The following CCSER2 variants were observed in gnomAD, a reference collection of about 807,000 sequenced individuals.
The protein encoded by CCSER2 is serine-rich coiled-coil domain-containing protein 2.
In CCSER2, 46 loss-of-function variants were observed where a neutral mutation model predicts 92.3. The ratio of observed to expected loss-of-function variants is 0.50; its 90% CI spans 0.39 to 0.64. The LOEUF (loss-of-function observed/expected upper bound fraction) is 0.64. CCSER2 is among the 30% of genes least tolerant of loss of function. The pLI, the probability that CCSER2 is intolerant of heterozygous loss-of-function variation, is 0.00. For synonymous variants in CCSER2, 433 were observed against 431.4 expected, an observed-to-expected ratio of 1.00 and a Z score of -0.04; for missense variants, 1,244 against 1,238.9, an observed-to-expected ratio of 1.00 and a Z score of -0.06.
At chr10:84,391,763 G>A (rs766535203) in intron 3 of CCSER2, 10 of 1,544,332 alleles carry the variant, frequency 6.5e-6, no homozygotes, top group Non-Finnish European at 8.9e-6. Flanking sequence ...TGAAGACCCT[G>A]GTGCACCTTT....
At chr10:84,429,884 A>T (rs986627344) in intron 5 of CCSER2, among the ~76,000 whole-genome samples, 6 of 148,598 alleles carry the variant, frequency 4.0e-5, no homozygotes, top group African/African-American at 1.5e-4. Flanking sequence ...AAAAAAAAAA[A>T]TACAAATAAT....
intron 1 of CCSER2, among the ~76,000 whole-genome samples, chr10:84,332,117 G>C: frequency 6.6e-6 from 1 of 152,012 alleles, no homozygotes; most frequent in East Asian, 1.9e-4. Context: ...AGTAGAGTTT[G>C]GTTGACCATT....
chr10:84,393,553 T>G (rs745326982), intron 3 of CCSER2, among the ~76,000 whole-genome samples: 5 of 152,136 alleles, frequency 3.3e-5, no homozygotes, highest in Non-Finnish European at 5.9e-5. Context: ...TTTTGGTGCA[T>G]GTTGGTGGCC....
intron 7 of CCSER2, 131 bp downstream of exon 7, chr10:84,464,147 C>T: frequency 1.9e-6 from 1 of 528,452 alleles, no homozygotes; most frequent in Non-Finnish European, 3.3e-6. Flanking sequence ...ACTTTTGCTA[C>T]TTTGTTAAGT....
At chr10:84,429,967 CT>C (rs1843674411) in intron 5 of CCSER2, among the ~76,000 whole-genome samples, 1 of 151,628 alleles carries the variant, frequency 6.6e-6, no homozygotes, top group Non-Finnish European at 1.5e-5. Flanking sequence ...TGTTTACTGA[CT>C]TTTCTAGACA....
chr10:84,357,626 GT>G (rs1463377087), intron 1 of CCSER2, among the ~76,000 whole-genome samples: 1 of 151,732 alleles, frequency 6.6e-6, no homozygotes, highest in Admixed American at 6.6e-5. Context: ...ATTTTTTTGT[GT>G]TTTTAGTAGA....
At chr10:84,419,160 G>A (rs1403764955) in intron 4 of CCSER2, among the ~76,000 whole-genome samples, 1 of 152,132 alleles carries the variant, frequency 6.6e-6, no homozygotes, top group East Asian at 1.9e-4. Flanking sequence ...GTTAGTGAGG[G>A]CTGTGATATT....
chr10:84,401,014 T>C lies in CCSER2; in HGVS notation c.1615-16757T>C, dbSNP rs142614002. 9.3e-3 allele frequency among the ~76,000 whole-genome samples: 1,410 copies of C among 152,204 alleles called. 9 individuals are homozygous for C. The highest frequency in any genetic ancestry group is 0.014 in the Middle Eastern group (4 of 294). ...AGGCAGGCAGATCGCTTGAACTGAA[T>C]GAGAATGAAAATATATTTTATCAAA... is the stretch of plus-strand genomic sequence containing the variant. On this transcript the variant is annotated intron_variant, in intron 3 of 9. Transcript: ENST00000372088.
At chr10:84,491,999 G>A (rs1346101655) in intron 9 of CCSER2, among the ~76,000 whole-genome samples, 1 of 152,096 alleles carries the variant, frequency 6.6e-6, no homozygotes, top group African/African-American at 2.4e-5. Flanking sequence ...TGATTTCTGG[G>A]CCATGTGCGG....
intron 3 of CCSER2, chr10:84,392,115 C>A: frequency 1.4e-6 from 1 of 696,470 alleles, no homozygotes; most frequent in Non-Finnish European, 2.5e-6. Flanking sequence ...GGAGCCTCTG[C>A]ACCCAGGGAA....
At position 84,516,969 on chromosome 10, in the gene CCSER2, T is replaced by A. The variant is rs1426627899; in HGVS notation, c.*2702T>A. On this transcript the variant is annotated 3_prime_UTR_variant, in exon 10 of 10. Transcript: ENST00000372088. ...ATGCTTGTCTGCTTCTTAGTAAATG[T>A]TAAGTCTGAAATGGAAGTGAGGATG... is the stretch of plus-strand genomic sequence containing the variant. 1 of 152,246 alleles carries A rather than the reference T, an allele frequency of 6.6e-6. No homozygotes were observed. The highest frequency in any genetic ancestry group is 2.4e-5 in the African/African-American group (1 of 41,472). 9.4% of individuals were successfully genotyped at this position (152,246 alleles called of 1,614,324 possible).
At chr10:84,483,281 T>C (rs1847564295) in intron 9 of CCSER2, among the ~76,000 whole-genome samples, 1 of 151,704 alleles carries the variant, frequency 6.6e-6, no homozygotes, top group Non-Finnish European at 1.5e-5. Flanking sequence ...TAATCCGAGC[T>C]ACTCGGGAGG....
chr10:84,409,060 G>A (rs1456963438), intron 3 of CCSER2, among the ~76,000 whole-genome samples: 1 of 151,736 alleles, frequency 6.6e-6, no homozygotes, highest in Non-Finnish European at 1.5e-5. Context: ...GTGCGATCTC[G>A]GCTCACTGCA....
intron 9 of CCSER2, among the ~76,000 whole-genome samples, chr10:84,498,245 T>A (rs532463089): frequency 6.6e-6 from 1 of 152,240 alleles, no homozygotes; most frequent in Non-Finnish European, 1.5e-5. Context: ...AGTATAAATA[T>A]AGCCTTTGAA....
chr10:84,420,156 C>G (rs1049832061), intron 4 of CCSER2, among the ~76,000 whole-genome samples: 5 of 152,170 alleles, frequency 3.3e-5, no homozygotes, highest in Non-Finnish European at 7.3e-5. Context: ...ATCTTAGAGC[C>G]TGCCTTATCT....
intron 3 of CCSER2, among the ~76,000 whole-genome samples, chr10:84,382,561 T>G (rs978418057): frequency 6.6e-6 from 1 of 152,234 alleles, no homozygotes; most frequent in African/African-American, 2.4e-5. Context: ...CAGAATCTTC[T>G]TTGCAGCAAT....
chr10:84,447,121 T>C (rs1844971629), intron 6 of CCSER2, among the ~76,000 whole-genome samples: 1 of 152,128 alleles, frequency 6.6e-6, no homozygotes, highest in South Asian at 2.1e-4. Context: ...CTAATTAGAA[T>C]TGGAATTTCT....
chr10:84,488,731 T>C (rs1250882981), intron 9 of CCSER2, among the ~76,000 whole-genome samples: 1 of 152,226 alleles, frequency 6.6e-6, no homozygotes, highest in African/African-American at 2.4e-5. Context: ...TTTTTGTGTC[T>C]ATTTCCTTCA....
intron 3 of CCSER2, among the ~76,000 whole-genome samples, chr10:84,403,088 T>A (rs1298688900): frequency 1.3e-5 from 2 of 152,050 alleles, no homozygotes; most frequent in Non-Finnish European, 1.5e-5. Flanking sequence ...CAAGAGAGCG[T>A]GGTATTGGCA....
Sources: gnomAD v4.1 joint callset for allele counts (sites outside exome capture counted in the v4.1 genomes callset) on GRCh38, gnomAD v4.1.1 for gene constraint, MANE v1.5 for transcripts, NCBI Gene and HGNC (gene_info 2026-07-23, HGNC 2026-07-21) for gene names.